The following RARB variants were observed in gnomAD, a reference collection of about 807,000 sequenced individuals.
The protein encoded by RARB is HBV-activated protein.
Under a neutral mutation model 51.9 loss-of-function variants are expected in RARB, and 17 were observed. The ratio of observed to expected loss-of-function variants is 0.33; its 90% confidence interval spans 0.22 to 0.49. RARB has a LOEUF of 0.49. RARB is among the 20% of genes least tolerant of loss of function. The pLI is 0.99. For missense variants in RARB, 369 were observed against 550.8 expected (o/e 0.67, Z 3.30); for synonymous variants, 215 against 195.4 (o/e 1.10, Z -0.84).
chr3:25,557,917 C>T (rs1700126006), intron 3 of RARB, among the ~76,000 whole-genome samples: 1 of 152,168 alleles, frequency 6.6e-6, no homozygotes, highest in South Asian at 2.1e-4. Context: ...CAAACTGGCT[C>T]TCTTTTCTGC....
intron 5 of RARB, among the ~76,000 whole-genome samples, chr3:25,372,549 C>T (rs144413551): frequency 0.018 from 2,773 of 152,210 alleles, 43 homozygotes; most frequent in African/African-American, 0.042. Flanking sequence ...GAGCTGGGTG[C>T]GGTGGCTCAC....
chr3:24,888,583 T>A (rs796759968), intron 2 of RARB, among the ~76,000 whole-genome samples: 50 of 151,818 alleles, frequency 3.3e-4, no homozygotes, highest in African/African-American at 9.4e-4. Flanking sequence ...CAAGCTTTTT[T>A]AAAAAAAAAT....
Position 25,015,213 on chromosome 3 carries a change from G to A in RARB, c.-379-44912G>A, listed in dbSNP as rs114461906. Among the ~76,000 whole-genome samples the A allele has an allele frequency of 2.8e-3, 424 of 152,162 alleles. 2 individuals are homozygous for A. The highest frequency in any genetic ancestry group is 9.5e-3 in the African/African-American group (393 of 41,514). ...CTTCACTTCAAAAATACTCATTAAC[G>A]CTAACCATATTATATAAGATCAAAA... On this transcript the variant is annotated intron_variant, in intron 2 of 11. Transcript: ENST00000383772.
chr3:25,278,760 G>A (rs1027077656), intron 5 of RARB, among the ~76,000 whole-genome samples: 2 of 152,174 alleles, frequency 1.3e-5, no homozygotes, highest in Non-Finnish European at 2.9e-5. Flanking sequence ...TTGGCCTTGT[G>A]AGCATATGAA....
chr3:25,303,491 C>A (rs975640682), intron 5 of RARB, among the ~76,000 whole-genome samples: 12 of 152,090 alleles, frequency 7.9e-5, no homozygotes, highest in African/African-American at 2.4e-4. Flanking sequence ...AGGCCATGAC[C>A]GACTGAGTGC....
intron 2 of RARB, among the ~76,000 whole-genome samples, chr3:25,033,567 G>A (rs4858690): frequency 0.63 from 94,983 of 151,962 alleles, 30,367 homozygotes; most frequent in East Asian, 0.93. Context: ...GCATCTGCCA[G>A]GAGACATGCC....
chr3:25,019,851 T>C (rs2125284142), intron 2 of RARB, among the ~76,000 whole-genome samples: 1 of 152,178 alleles, frequency 6.6e-6, no homozygotes, highest in South Asian at 2.1e-4. Context: ...TTCTGTGAGG[T>C]CTTCCATGGG....
At chr3:25,052,348 A>G (rs79071001) in intron 2 of RARB, among the ~76,000 whole-genome samples, 3,252 of 152,272 alleles carry the variant, frequency 0.021, 96 homozygotes, top group African/African-American at 0.074. Context: ...CTCAATTTTG[A>G]GATACAGAGA....
At chr3:25,398,810 T>C (rs1707185901) in intron 5 of RARB, among the ~76,000 whole-genome samples, 1 of 152,226 alleles carries the variant, frequency 6.6e-6, no homozygotes, top group South Asian at 2.1e-4. Context: ...CATGTGTATA[T>C]AAATGTTCTA....
intron 5 of RARB, among the ~76,000 whole-genome samples, chr3:25,310,119 A>G (rs1704253487): frequency 2.0e-5 from 3 of 152,200 alleles, no homozygotes; most frequent in South Asian, 2.1e-4. Context: ...CAGGCCAACC[A>G]TTTGTCTGCA....
At chr3:24,903,363 A>G (rs1415325174) in intron 2 of RARB, among the ~76,000 whole-genome samples, 1 of 152,184 alleles carries the variant, frequency 6.6e-6, no homozygotes, top group Non-Finnish European at 1.5e-5. Context: ...TATCTGTTAG[A>G]TGAGTTGTCC....
chr3:25,367,984 G>A (rs1706182066), intron 5 of RARB, among the ~76,000 whole-genome samples: 7 of 152,110 alleles, frequency 4.6e-5, no homozygotes, highest in Admixed American at 4.6e-4. Flanking sequence ...GTGCTCCTCT[G>A]TGAAATGAGA....
At chr3:25,593,165 C>CTTT (rs200612408) in intron 5 of RARB, among the ~76,000 whole-genome samples, 16 of 145,064 alleles carry the variant, frequency 1.1e-4, no homozygotes, top group Middle Eastern at 3.6e-3. Flanking sequence ...TCTTATTCAT[C>CTTT]TTTTTTTTTT....
At chr3:24,886,534 T>A (rs1246545760) in intron 2 of RARB, among the ~76,000 whole-genome samples, 1 of 151,172 alleles carries the variant, frequency 6.6e-6, no homozygotes, top group Non-Finnish European at 1.5e-5. Context: ...AGCCTTTACC[T>A]CCCGGACTCA....
rs28479476 is a variant in RARB, at chr3:25,084,506, T to C, written c.-328+24330T>C. ...TTAGATTACACTGGAAATATGTTGA[T>C]ATCATCAATACGTATTGGATTCTTT... On this transcript the variant is annotated intron_variant, in intron 3 of 11. Coordinates refer to the RARB transcript ENST00000383772. 2.7e-3 allele frequency among the ~76,000 whole-genome samples: 407 copies of C among 149,718 alleles called. 3 individuals carry two copies. Among genetic ancestry groups the C allele is most frequent in the African/African-American group, 9.8e-3 (398 of 40,542 alleles).
intron 5 of RARB, among the ~76,000 whole-genome samples, chr3:25,582,739 G>A (rs1271637892): frequency 6.6e-6 from 1 of 152,018 alleles, no homozygotes; most frequent in Non-Finnish European, 1.5e-5. Flanking sequence ...CCAGCCCCAT[G>A]GATCCAAGCA....
chr3:24,961,928 T>C (rs1374622606), intron 2 of RARB, among the ~76,000 whole-genome samples: 1 of 123,744 alleles, frequency 8.1e-6, no homozygotes, highest in Non-Finnish European at 1.7e-5. Flanking sequence ...TCTTTTTTTT[T>C]TTTTTTTTTT....
intron 5 of RARB, among the ~76,000 whole-genome samples, chr3:25,226,333 CA>C (rs1702056066): frequency 6.6e-6 from 1 of 152,114 alleles, no homozygotes; most frequent in Non-Finnish European, 1.5e-5. Flanking sequence ...TTTAAAATAG[CA>C]GTGAACTTGC....
chr3:25,275,386 G>A (rs183827693), intron 5 of RARB, among the ~76,000 whole-genome samples: 12 of 152,260 alleles, frequency 7.9e-5, no homozygotes, highest in African/African-American at 2.9e-4. Flanking sequence ...GAGTGAGCCT[G>A]GGAGGTGGAA....
Sources: allele counts gnomAD v4.1 joint callset (sites outside exome capture counted in the v4.1 genomes callset), GRCh38; gene constraint gnomAD v4.1.1; transcripts MANE v1.5; gene names NCBI Gene and HGNC (gene_info 2026-07-23, HGNC 2026-07-21).